Variants in HS6ST3 observed in about 807,000 individuals in gnomAD.
The protein encoded by HS6ST3 is heparan-sulfate 6-O-sulfotransferase 3.
In HS6ST3, 12 loss-of-function variants were observed where a neutral mutation model predicts 36.7. The observed-to-expected ratio is 0.33, with a 90% CI of 0.21 to 0.53. The LOEUF is 0.53. HS6ST3 is among the 20% of genes least tolerant of loss of function. The probability of loss-of-function intolerance (pLI) is 0.95; values close to 1 mark genes in which losing one functional copy is unlikely to be tolerated. For synonymous variants in HS6ST3, 240 were observed against 257.5 expected, an observed-to-expected ratio of 0.93 and a Z score of 0.65; for missense variants, 584 against 640.9, an observed-to-expected ratio of 0.91 and a Z score of 0.96.
At chr13:96,320,036 C>CT (rs892549283) in intron 1 of HS6ST3, among the ~76,000 whole-genome samples, 2 of 151,918 alleles carry the variant, frequency 1.3e-5, no homozygotes, top group African/African-American at 2.4e-5. Context: ...CCTCAAATGA[C>CT]TTTTTTTTCT....
At chr13:96,333,281 G>A (rs909621377) in intron 1 of HS6ST3, among the ~76,000 whole-genome samples, 1 of 152,218 alleles carries the variant, frequency 6.6e-6, no homozygotes, top group Non-Finnish European at 1.5e-5. Flanking sequence ...ATCAAAGCAA[G>A]GGGGACTCTT....
rs1270996193 is a variant in HS6ST3, at chr13:96,658,259, CTTCTTCTTCTTTTTTTTTTTTTTT to C, written c.708-174228_708-174205del. 1.2e-3 allele frequency among the ~76,000 whole-genome samples: 99 copies of C among 80,390 alleles called. 1 individual carries two copies. Among genetic ancestry groups the C allele is most frequent in the African/African-American group, 4.4e-3 (94 of 21,388 alleles). 52.7% of individuals were successfully genotyped at this position (80,390 alleles called of 152,430 possible). On this transcript the variant is annotated intron_variant, in intron 1 of 1. Coordinates refer to ENST00000376705, the MANE Select transcript of HS6ST3 (RefSeq NM_153456.4). The stretch of plus-strand genomic sequence containing the variant: ...TTATCTTTCTTCTTCTTCTTCTTCT[CTTCTTCTTCTTTTTTTTTTTTTTT>C]TTTTTTTTTTTTTTTGAGATGGCGT...
intron 1 of HS6ST3, among the ~76,000 whole-genome samples, chr13:96,138,250 G>A (rs1280372779): frequency 6.6e-6 from 1 of 151,988 alleles, no homozygotes; most frequent in Non-Finnish European, 1.5e-5. Context: ...AAATAAAGTA[G>A]TGAATTATAT....
At chr13:96,773,511 T>C (rs7999735) in intron 1 of HS6ST3, among the ~76,000 whole-genome samples, 106,457 of 151,992 alleles carry the variant, frequency 0.7, 38,232 homozygotes, top group African/African-American at 0.88. Flanking sequence ...CCACCATTAC[T>C]GAGGCTTGAG....
At position 96,595,460 on chromosome 13, in the gene HS6ST3, T is replaced by C. The variant is rs563510090; in HGVS notation, c.708-237030T>C. Among the ~76,000 whole-genome samples, 200 of 151,434 alleles carry C rather than the reference T, an allele frequency of 1.3e-3. 1 individual carries two copies. The highest frequency in any genetic ancestry group is 3.4e-3 in the African/African-American group (140 of 41,376). Reference sequence around the variant, plus strand: ...TCTCTTGCTGCTTTCAGGATTTTTTTTCTCTCTCTCTCTCTCTTTGTTTTT... The same window carrying C: ...TCTCTTGCTGCTTTCAGGATTTTTTCTCTCTCTCTCTCTCTCTTTGTTTTT... On this transcript the variant is annotated intron_variant, in intron 1 of 1. Transcript: ENST00000376705.
intron 1 of HS6ST3, among the ~76,000 whole-genome samples, chr13:96,535,221 A>G (rs2056150559): frequency 6.6e-6 from 1 of 152,026 alleles, no homozygotes; most frequent in Non-Finnish European, 1.5e-5. Context: ...TTGATTGGGG[A>G]TTCGTAGAAG....
chr13:96,634,047 T>A (rs975833257), intron 1 of HS6ST3, among the ~76,000 whole-genome samples: 2 of 152,150 alleles, frequency 1.3e-5, no homozygotes, highest in African/African-American at 4.8e-5. Flanking sequence ...CCTTCTGTCC[T>A]GTGAGGATAT....
intron 1 of HS6ST3, among the ~76,000 whole-genome samples, chr13:96,412,843 A>T (rs1178861210): frequency 2.0e-5 from 3 of 149,654 alleles, no homozygotes; most frequent in African/African-American, 7.3e-5. Context: ...ACAGTATATT[A>T]TATATATATA....
chr13:96,206,026 T>A (rs974197278), intron 1 of HS6ST3, among the ~76,000 whole-genome samples: 1 of 152,098 alleles, frequency 6.6e-6, no homozygotes, highest in African/African-American at 2.4e-5. Flanking sequence ...TCAAATTATC[T>A]TTTTTTGCAG....
chr13:96,340,862 C>T (rs2055126903), intron 1 of HS6ST3, among the ~76,000 whole-genome samples: 1 of 152,158 alleles, frequency 6.6e-6, no homozygotes, highest in African/African-American at 2.4e-5. Flanking sequence ...CTTCAACTGC[C>T]TTAGCTTCCA....
intron 1 of HS6ST3, among the ~76,000 whole-genome samples, chr13:96,291,912 G>A (rs1241950963): frequency 1.3e-5 from 2 of 152,118 alleles, no homozygotes; most frequent in African/African-American, 2.4e-5. Flanking sequence ...AGTACATATT[G>A]AGTACATATG....
intron 1 of HS6ST3, among the ~76,000 whole-genome samples, chr13:96,668,847 C>G (rs940099741): frequency 6.7e-6 from 1 of 150,258 alleles, no homozygotes; most frequent in African/African-American, 2.4e-5. Flanking sequence ...TACATTTACC[C>G]TTGAGGATAA....
At chr13:96,572,313 C>T (rs1249204322) in intron 1 of HS6ST3, among the ~76,000 whole-genome samples, 1 of 152,140 alleles carries the variant, frequency 6.6e-6, no homozygotes, top group Non-Finnish European at 1.5e-5. Flanking sequence ...ACTTTCTGAT[C>T]ATTTAAGTAG....
chr13:96,356,797 T>A (rs1190442707), intron 1 of HS6ST3, among the ~76,000 whole-genome samples: 3 of 152,248 alleles, frequency 2.0e-5, no homozygotes, highest in Admixed American at 1.3e-4. Context: ...AGTCAGCTTA[T>A]CTTTTGAAGC....
chr13:96,267,230 C>A (rs939144715), intron 1 of HS6ST3, among the ~76,000 whole-genome samples: 2 of 152,164 alleles, frequency 1.3e-5, no homozygotes, highest in Non-Finnish European at 1.5e-5. Flanking sequence ...AACTGTGAGT[C>A]CATTAAACCT....
intron 1 of HS6ST3, among the ~76,000 whole-genome samples, chr13:96,546,141 T>C (rs1022639932): frequency 6.6e-6 from 1 of 152,130 alleles, no homozygotes; most frequent in Non-Finnish European, 1.5e-5. Flanking sequence ...AATATTAATA[T>C]CCTTGTAGTA....
At chr13:96,732,002 C>T (rs1876166250) in intron 1 of HS6ST3, among the ~76,000 whole-genome samples, 1 of 152,040 alleles carries the variant, frequency 6.6e-6, no homozygotes. Context: ...TCATAATGGC[C>T]ATATTATTTT....
chr13:96,676,012 CT>C, intron 1 of HS6ST3, among the ~76,000 whole-genome samples: 1 of 152,210 alleles, frequency 6.6e-6, no homozygotes. Flanking sequence ...CCTCAGGTCA[CT>C]TGATCATCCT....
At chr13:96,669,108 A>G (rs1252168026) in intron 1 of HS6ST3, among the ~76,000 whole-genome samples, 1 of 152,158 alleles carries the variant, frequency 6.6e-6, no homozygotes, top group African/African-American at 2.4e-5. Context: ...CTAAAAGGAA[A>G]CTTGAAGGGC....
Sources: gnomAD v4.1 joint callset for allele counts (sites outside exome capture counted in the v4.1 genomes callset) on GRCh38, gnomAD v4.1.1 for gene constraint, MANE v1.5 for transcripts, NCBI Gene and HGNC (gene_info 2026-07-23, HGNC 2026-07-21) for gene names.